The following TMEM63B variants were observed in gnomAD, a reference collection of about 807,000 sequenced individuals.
TMEM63B encodes transmembrane protein 63B.
Under a neutral mutation model 102.6 loss-of-function variants are expected in TMEM63B, and 23 were observed. The observed-to-expected ratio is 0.22, with a 90% CI of 0.16 to 0.32. The LOEUF (loss-of-function observed/expected upper bound fraction) is 0.32, where lower values mean the gene tolerates loss of function less well. Ranked by LOEUF, TMEM63B falls within the 10% of genes least tolerant of loss-of-function variation. The pLI, the probability that TMEM63B is intolerant of heterozygous loss-of-function variation, is 1.00. For synonymous variants in TMEM63B, 444 were observed against 437.0 expected (o/e 1.02, Z -0.20); for missense variants, 628 against 1,095.9 (o/e 0.57, Z 6.03).
At chr6:44,144,963 C>T (rs1465701539) in intron 10 of TMEM63B, among the ~76,000 whole-genome samples, 1 of 151,962 alleles carries the variant, frequency 6.6e-6, no homozygotes, top group East Asian at 1.9e-4. Flanking sequence ...GATCAAAGAA[C>T]AGTGCATGAT....
chr6:44,132,390 A>G (rs766759432), intron 1 of TMEM63B: 1 of 935,258 alleles, frequency 1.1e-6, no homozygotes, highest in Non-Finnish European at 1.3e-6. Context: ...TGGTGTGGAG[A>G]AGACAGGAGT....
Position 44,152,561 on chromosome 6 carries a change from C to A in TMEM63B, c.1837-32C>A. The A allele has an allele frequency of 6.4e-7, 1 of 1,574,018 alleles. No homozygotes were observed. The highest frequency in any genetic ancestry group is 1.1e-5 in the South Asian group (1 of 90,370). Reference sequence around the variant, plus strand: ...GCCCCTCTGGTCAGTCCCTGCCTCCCTGAGCCATCCTCCTGCCCGTCTCCC... The same window carrying A: ...GCCCCTCTGGTCAGTCCCTGCCTCCATGAGCCATCCTCCTGCCCGTCTCCC... On this transcript the variant is annotated intron_variant, in intron 19 of 23. Transcript: ENST00000323267. This position sits in a 1 kb window ranked among gnomAD's most constrained non-coding sequence, Gnocchi z 6.4.
chr6:44,127,937 A>G (rs1167847562), intron 1 of TMEM63B: 1 of 150,700 alleles, frequency 6.6e-6, no homozygotes, highest in Non-Finnish European at 1.5e-5. Context: ...GGGAGATCCC[A>G]AAGGGTGGGA....
Position 44,154,927 on chromosome 6 carries a change from C to T in TMEM63B, c.*44C>T, listed in dbSNP as rs1265045158. On this transcript the variant is annotated 3_prime_UTR_variant, in exon 24 of 24. Coordinates refer to ENST00000323267, the MANE Select transcript of TMEM63B (RefSeq NM_018426.3). ...GAGGCCACATCCTGCCCCACCCCACCCCCACTCCCACGGACACTAAAACGC... is the reference window on the plus strand; with the variant it reads ...GAGGCCACATCCTGCCCCACCCCACTCCCACTCCCACGGACACTAAAACGC... 8 of 1,460,656 alleles carry T rather than the reference C, an allele frequency of 5.5e-6. No homozygotes were observed. The highest frequency in any genetic ancestry group is 1.4e-5 in the South Asian group (1 of 69,448). 90.5% of individuals were successfully genotyped at this position (1,460,656 alleles called of 1,614,324 possible).
At position 44,154,847 on chromosome 6, in the gene TMEM63B, C is replaced by T. The variant is rs760819271; in HGVS notation, c.2463C>T (p.Cys821=). The change falls in exon 24 of 24, where the codon TGC becomes TGT. Residue 821 remains cysteine (C), a synonymous_variant. Transcript: ENST00000323267. ...DALTDTDFQS[C]EDSLIENEIH... ...TCACGGACACAGACTTCCAGTCTTGCGAGGACAGCCTCATAGAGAATGAGA... is the reference window on the plus strand; with the variant it reads ...TCACGGACACAGACTTCCAGTCTTGTGAGGACAGCCTCATAGAGAATGAGA... 31 of 1,604,494 alleles carry T rather than the reference C, an allele frequency of 1.9e-5. No individual in the cohort carries two copies. The highest frequency in any genetic ancestry group is 1.3e-4 in the South Asian group (12 of 89,964).
chr6:44,127,253 A>C, upstream of TMEM63B: 1 of 120,588 alleles, frequency 8.3e-6, no homozygotes, highest in Admixed American at 8.6e-5. Flanking sequence ...CTCCTCACTC[A>C]CCCCGGGGAG....
chr6:44,146,904 C>T lies in TMEM63B; in HGVS notation c.840C>T (p.Arg280=), dbSNP rs777298266. Residue 280 remains arginine, a synonymous_variant, in exon 11 of 24, where the codon CGC becomes CGT. Coordinates refer to ENST00000323267, the MANE Select transcript of TMEM63B (RefSeq NM_018426.3). The part of the protein sequence containing the change: ...LEARPCYNVA[R]LMFLDAERKK... ...CCCGCCCGTGTTACAACGTGGCTCGCCTAATGTTCCTCGATGCAGAGAGGT... is the reference window on the plus strand; with the variant it reads ...CCCGCCCGTGTTACAACGTGGCTCGTCTAATGTTCCTCGATGCAGAGAGGT... 1 of 1,614,080 alleles carries T rather than the reference C, an allele frequency of 6.2e-7. No homozygotes were observed. The highest frequency in any genetic ancestry group is 2.2e-5 in the East Asian group (1 of 44,872).
intron 23 of TMEM63B, 47 bp downstream of exon 23, chr6:44,154,492 C>T: frequency 6.2e-7 from 1 of 1,607,708 alleles, no homozygotes; most frequent in African/African-American, 1.3e-5. Flanking sequence ...GACTCAGCCT[C>T]AAAGCCCAGT....
chr6:44,154,920 AC>A lies in TMEM63B; in HGVS notation c.*41del. 6.8e-7 allele frequency: 1 copy of A among 1,466,832 alleles called. No individual in the cohort carries two copies. The highest frequency in any genetic ancestry group is 9.0e-7 in the Non-Finnish European group (1 of 1,105,458). The allele number at this position is 1,466,832 out of a possible 1,614,324, so 90.9% of individuals were successfully genotyped here. A position where few individuals can be genotyped will look rare whatever the true frequency, so the allele number is the denominator to read the frequency against. ...GGCCCTGGAGGCCACATCCTGCCCC[AC>A]CCCACCCCCACTCCCACGGACACTA... On this transcript the variant is annotated 3_prime_UTR_variant, in exon 24 of 24. Coordinates refer to ENST00000323267, the MANE Select transcript of TMEM63B (RefSeq NM_018426.3).
chr6:44,149,753 C>T (rs923395335), intron 15 of TMEM63B, 106 bp from the exon 16 acceptor site: 1 of 863,300 alleles, frequency 1.2e-6, no homozygotes, highest in Non-Finnish European at 1.8e-6. Context: ...CATGGGAGCC[C>T]TGAGAGTTGT....
chr6:44,139,950 A>G (rs555084904), intron 8 of TMEM63B, among the ~76,000 whole-genome samples, 191 bp downstream of exon 8: 13 of 152,310 alleles, frequency 8.5e-5, no homozygotes, highest in Non-Finnish European at 1.6e-4. Context: ...TGAAGAGGAT[A>G]CAGAAGAGGA....
At chr6:44,136,312 A>G (rs762212318) in intron 4 of TMEM63B, 37 bp from the exon 5 acceptor site, 350 of 1,587,628 alleles carry the variant, frequency 2.2e-4, no homozygotes, top group Non-Finnish European at 2.9e-4. Flanking sequence ...GCTCAGACTC[A>G]CCAGGCTCTC....
chr6:44,145,776 T>G (rs1021198996), intron 10 of TMEM63B, among the ~76,000 whole-genome samples: 1 of 148,632 alleles, frequency 6.7e-6, no homozygotes, highest in African/African-American at 2.5e-5. Flanking sequence ...TCTCAGAATA[T>G]TTGAAACAAA....
chr6:44,139,877 G>A (rs1763877562), intron 8 of TMEM63B, 118 bp downstream of exon 8: 1 of 1,236,684 alleles, frequency 8.1e-7, no homozygotes, highest in African/African-American at 1.5e-5. Flanking sequence ...GGATGGCTAT[G>A]GGTCCCTGAG....
At chr6:44,147,639 T>G in intron 12 of TMEM63B, 139 bp downstream of exon 12, 1 of 1,254,600 alleles carries the variant, frequency 8.0e-7, no homozygotes. Flanking sequence ...GTTTGTCTAA[T>G]GTCCCTACAG....
chr6:44,127,529 T>G (rs924368140), upstream of TMEM63B: 5 of 65,804 alleles, frequency 7.6e-5, no homozygotes, highest in African/African-American at 1.1e-4. Context: ...CCCCTCCCCC[T>G]CCCTCCCCCC....
intron 1 of TMEM63B, among the ~76,000 whole-genome samples, chr6:44,129,633 C>A (rs1777904413): frequency 1.3e-5 from 2 of 152,176 alleles, no homozygotes. Flanking sequence ...GTCCCTAACA[C>A]AGTGTAAACC....
rs528006300 is a variant in TMEM63B, at chr6:44,131,762, T to C, written c.-24-2799T>C. Among the ~76,000 whole-genome samples the C allele has an allele frequency of 3.3e-4, 47 of 141,864 alleles. No homozygotes were observed. The South Asian group carries it at 9.9e-3, about 30-fold the overall frequency. The allele number at this position is 141,864 out of a possible 152,430, so 93.1% of individuals were successfully genotyped here. ...CCCCCAAAAAAAAGCTTATAAGTTA[T>C]AGCTCTCCAACCCCCACCATGCACA... On this transcript the variant is annotated intron_variant, in intron 1 of 23. Transcript: ENST00000323267.
At chr6:44,130,138 C>T (rs868129966) in intron 1 of TMEM63B, among the ~76,000 whole-genome samples, 104 of 152,344 alleles carry the variant, frequency 6.8e-4, no homozygotes, top group African/African-American at 2.4e-3. Context: ...AACTGACTGC[C>T]TCCGGCTCCC....
Sources: gnomAD v4.1 joint callset for allele counts (sites outside exome capture counted in the v4.1 genomes callset) on GRCh38, gnomAD v4.1.1 for gene constraint, Gnocchi (gnomAD v3.1) non-coding constraint, MANE v1.5 for transcripts, NCBI Gene and HGNC (gene_info 2026-07-23, HGNC 2026-07-21) for gene names.